DLG1: variants seen among roughly 807,000 people sequenced by gnomAD.
DLG1 encodes discs large MAGUK scaffold protein 1, also known as disks large homolog 1.
A neutral mutation model predicts 123.4 loss-of-function variants in DLG1; 42 were observed. The ratio of observed to expected loss-of-function variants is 0.34; its 90% CI spans 0.27 to 0.44. DLG1 has a LOEUF of 0.44. Among genes scored for constraint, DLG1 ranks in the 20% least tolerant of loss-of-function variants. The probability of loss-of-function intolerance (pLI) is 1.00; values close to 1 mark genes in which losing one functional copy is unlikely to be tolerated. For missense variants in DLG1, 942 were observed against 1,082.6 expected (o/e 0.87, Z 1.82); for synonymous variants, 317 against 356.2 (o/e 0.89, Z 1.24).
chr3:197,235,610 A>G (rs1179169337), intron 4 of DLG1, among the ~76,000 whole-genome samples: 2 of 152,230 alleles, frequency 1.3e-5, no homozygotes, highest in Non-Finnish European at 2.9e-5. Context: ...ACTTTTAAAA[A>G]GCTTTAAAAA....
chr3:197,138,425 T>C, intron 8 of DLG1, 34 bp from the exon 9 acceptor site: 2 of 1,128,080 alleles, frequency 1.8e-6, no homozygotes, highest in South Asian at 3.4e-5. Flanking sequence ...AAATAAAAAT[T>C]AAATATAATT....
chr3:197,101,852 T>A (rs1056747243), intron 14 of DLG1, among the ~76,000 whole-genome samples: 4 of 152,112 alleles, frequency 2.6e-5, no homozygotes, highest in Non-Finnish European at 5.9e-5. Flanking sequence ...AGTGCAGTGG[T>A]GAGATCATAG....
At chr3:197,155,326 A>G (rs1447058714) in intron 5 of DLG1, among the ~76,000 whole-genome samples, 1 of 152,172 alleles carries the variant, frequency 6.6e-6, no homozygotes, top group Admixed American at 6.5e-5. Flanking sequence ...TAAGAATCCT[A>G]TATCCAGCAA....
intron 10 of DLG1, among the ~76,000 whole-genome samples, chr3:197,135,228 T>C (rs1417293003): frequency 6.6e-6 from 1 of 152,324 alleles, no homozygotes; most frequent in East Asian, 1.9e-4. Flanking sequence ...GAGACAGTTA[T>C]TGATTGATAT....
intron 5 of DLG1, among the ~76,000 whole-genome samples, chr3:197,167,122 C>G (rs1470444423): frequency 6.6e-6 from 1 of 152,000 alleles, no homozygotes; most frequent in Non-Finnish European, 1.5e-5. Context: ...ATAACAATGG[C>G]ATAACATCCA....
At chr3:197,118,392 T>G (rs141127403) in intron 12 of DLG1, among the ~76,000 whole-genome samples, 1 of 152,314 alleles carries the variant, frequency 6.6e-6, no homozygotes, top group Non-Finnish European at 1.5e-5. Flanking sequence ...AACACTATTC[T>G]TTCTGCTAAT....
At chr3:197,185,674 G>A (rs986706802) in intron 5 of DLG1, among the ~76,000 whole-genome samples, 4 of 152,124 alleles carry the variant, frequency 2.6e-5, no homozygotes, top group Non-Finnish European at 5.9e-5. Context: ...TAAATGCTAC[G>A]GTAATTGGTC....
chr3:197,118,334 C>T (rs1774428624), intron 12 of DLG1, among the ~76,000 whole-genome samples: 1 of 152,226 alleles, frequency 6.6e-6, no homozygotes, highest in Admixed American at 6.5e-5. Flanking sequence ...TCTAGAAGCA[C>T]TGCCTGAAGA....
chr3:197,132,535 AT>A (rs1783181036), intron 10 of DLG1, among the ~76,000 whole-genome samples: 1 of 152,196 alleles, frequency 6.6e-6, no homozygotes. Flanking sequence ...ATGGCTCCAC[AT>A]TACCATGCAA....
intron 11 of DLG1, among the ~76,000 whole-genome samples, chr3:197,126,305 C>A (rs1004587645): frequency 1.3e-5 from 2 of 151,852 alleles, no homozygotes; most frequent in Non-Finnish European, 2.9e-5. Context: ...GGAGAAACCC[C>A]GTCTCTACTA....
At position 197,130,600 on chromosome 3, in the gene DLG1, A is replaced by C. The variant is rs936497033; in HGVS notation, c.1092T>G (p.Phe364Leu). The C allele has an allele frequency of 6.2e-7, 1 of 1,612,334 alleles. No homozygotes were observed. Among genetic ancestry groups the C allele is most frequent in the Admixed American group, 1.7e-5 (1 of 59,906 alleles). Residue 364 changes from phenylalanine to leucine, a missense_variant, in exon 11 of 25, where the codon TTT becomes TTG. Coordinates refer to ENST00000667157, the MANE Select transcript of DLG1 (RefSeq NM_001366207.1). The stretch of plus-strand genomic sequence containing the variant: ...TGGGTTTTGCCACTTTCAAATAAAC[A>C]AAATCAGATGTGTTCTTTAAGGCAG... ...AVTALKNTSD[F>L]VYLKVAKPTS...
At position 197,130,274 on chromosome 3, in the gene DLG1, C is replaced by T. The variant is rs988691315; in HGVS notation, c.1165+253G>A. On this transcript the variant is annotated intron_variant, in intron 11 of 24. Coordinates refer to ENST00000667157, the MANE Select transcript of DLG1 (RefSeq NM_001366207.1). ...AATGTTCTTTAGTGACTGTTACTTA[C>T]ATAAAAGTTTGAAAATCCTTTAAAT... 6.6e-5 allele frequency among the ~76,000 whole-genome samples: 10 copies of T among 152,068 alleles called. No homozygotes were observed. The South Asian group carries it at 8.3e-4, about 13-fold the overall frequency.
At chr3:197,298,359 G>C (rs1329373220) in intron 1 of DLG1, 177 bp downstream of exon 1, 1 of 397,120 alleles carries the variant, frequency 2.5e-6, no homozygotes, top group East Asian at 3.6e-5. Flanking sequence ...GAGAACAAAG[G>C]AGTTAACACT....
chr3:197,192,252 C>G (rs1006328632), intron 5 of DLG1, among the ~76,000 whole-genome samples: 1 of 151,904 alleles, frequency 6.6e-6, no homozygotes, highest in Non-Finnish European at 1.5e-5. Context: ...AAGTAACTCA[C>G]GAGGCTAACA....
intron 14 of DLG1, among the ~76,000 whole-genome samples, chr3:197,103,933 T>C (rs1317675388): frequency 2.0e-5 from 3 of 152,058 alleles, no homozygotes; most frequent in Non-Finnish European, 4.4e-5. Context: ...TTATTGGAGA[T>C]GTGGTTATGC....
intron 5 of DLG1, among the ~76,000 whole-genome samples, chr3:197,186,840 G>A (rs1203504720): frequency 3.9e-5 from 6 of 152,032 alleles, no homozygotes; most frequent in Non-Finnish European, 7.4e-5. Flanking sequence ...AGCCACCCAC[G>A]TAGCTGAGGT....
In DLG1 at chr3:197,076,586, G is replaced by T. The variant is rs778267862; in HGVS notation, c.2005C>A (p.Gln669Lys). ...TTGACCACTGGATCCACATACTTACGGTCAGCATCACTTGTTTCCTGCTCA... is the reference window on the plus strand; with the variant it reads ...TTGACCACTGGATCCACATACTTACTGTCAGCATCACTTGTTTCCTGCTCA... Reference protein sequence around the residue: ...QSEQETSDADQHVTSNASDSE... With the variant: ...QSEQETSDADKHVTSNASDSE... The change falls in exon 18 of 25, where the codon CAG (glutamine) becomes AAG (lysine). Residue 669 changes from glutamine (Q) to lysine (K), a missense_variant and splice_region_variant. Coordinates refer to ENST00000667157, the MANE Select transcript of DLG1 (RefSeq NM_001366207.1). The T allele has an allele frequency of 1.9e-6, 3 of 1,607,104 alleles. No individual in the cohort carries two copies. The highest frequency in any genetic ancestry group is 8.5e-7 in the Non-Finnish European group (1 of 1,175,280).
Position 197,065,756 on chromosome 3 carries a change from C to G in DLG1, c.2152G>C (p.Asp718His), listed in dbSNP as rs1163188867. ...ILGPMKDRIN[D>H]DLISEFPDKF... ...TCAGGAAATTCTGAGATCAAGTCAT[C>G]ATTTATCCTGTCTTTCATAGGTCCC... is the stretch of plus-strand genomic sequence containing the variant. The change falls in exon 21 of 25, where the codon GAT becomes CAT. Residue 718 changes from aspartate to histidine, a missense_variant. Physicochemically the swap from Asp to His is moderately conservative, Grantham distance 81 (BLOSUM62 -1). Transcript: ENST00000667157. 1 of 1,612,612 alleles carries G rather than the reference C, an allele frequency of 6.2e-7. No homozygotes were observed. Among genetic ancestry groups the G allele is most frequent in the Non-Finnish European group, 8.5e-7 (1 of 1,179,192 alleles).
intron 13 of DLG1, among the ~76,000 whole-genome samples, chr3:197,107,120 G>T (rs980834747): frequency 1.1e-4 from 16 of 152,146 alleles, no homozygotes; most frequent in African/African-American, 3.9e-4. Context: ...AAATAAACGG[G>T]ATATATAATA....
Sources: gnomAD v4.1 joint callset for allele counts (sites outside exome capture counted in the v4.1 genomes callset) on GRCh38, gnomAD v4.1.1 for gene constraint, MANE v1.5 for transcripts, NCBI Gene and HGNC (gene_info 2026-07-23, HGNC 2026-07-21) for gene names.